PCDH15: variants seen among roughly 807,000 people sequenced by gnomAD.
The protein encoded by PCDH15 is protocadherin-15.
In PCDH15, 129 loss-of-function variants were observed where a neutral mutation model predicts 178.5. The observed-to-expected ratio is 0.72, with a 90% CI of 0.63 to 0.84. PCDH15 has a LOEUF of 0.84. Among genes scored for constraint, PCDH15 ranks in the 40% least tolerant of loss-of-function variants. The pLI is 0.00. For missense variants in PCDH15, 2,230 were observed against 2,099.9 expected (o/e 1.06, Z -1.21); for synonymous variants, 800 against 732.0 (o/e 1.09, Z -1.50).
chr10:55,588,495 G>A (rs548377620), intron 2 of PCDH15, among the ~76,000 whole-genome samples: 6 of 152,212 alleles, frequency 3.9e-5, no homozygotes, highest in African/African-American at 1.4e-4. Context: ...ACAAATGCAA[G>A]AAGACCATGA....
chr10:54,512,953 C>T (rs1054183549), intron 3 of PCDH15, among the ~76,000 whole-genome samples: 1 of 152,018 alleles, frequency 6.6e-6, no homozygotes, highest in Non-Finnish European at 1.5e-5. Flanking sequence ...TATTTTTACA[C>T]AGCCATTAAA....
intron 8 of PCDH15, among the ~76,000 whole-genome samples, chr10:54,296,451 C>T (rs1320964800): frequency 2.6e-5 from 4 of 152,072 alleles, no homozygotes; most frequent in African/African-American, 9.7e-5. Context: ...CTGACCCTTG[C>T]CTCCTGGGTC....
intron 2 of PCDH15, chr10:54,600,613 C>A: frequency 1.7e-6 from 1 of 579,472 alleles, no homozygotes; most frequent in Non-Finnish European, 3.3e-6. Context: ...GAGGAGAAAC[C>A]AGTGTCTACT....
intron 2 of PCDH15, among the ~76,000 whole-genome samples, chr10:55,120,199 GA>G (rs1307885665): frequency 3.3e-5 from 5 of 151,994 alleles, no homozygotes; most frequent in Admixed American, 2.0e-4. Context: ...ATGAACTAAG[GA>G]AAAAAACTGG....
intron 26 of PCDH15, among the ~76,000 whole-genome samples, chr10:53,873,864 G>A (rs934514909): frequency 6.6e-6 from 1 of 152,128 alleles, no homozygotes; most frequent in Non-Finnish European, 1.5e-5. Flanking sequence ...TTTGAAAAGA[G>A]GCCCCAGAGA....
chr10:55,599,868 A>G, intron 2 of PCDH15: 5 of 1,412,576 alleles, frequency 3.5e-6, no homozygotes, highest in Non-Finnish European at 4.7e-6. Flanking sequence ...AGGTAGCATA[A>G]TCACTTGTTC....
intron 2 of PCDH15, among the ~76,000 whole-genome samples, chr10:55,619,353 ACT>A (rs1488341254): frequency 6.6e-6 from 1 of 151,954 alleles, no homozygotes; most frequent in East Asian, 1.9e-4. Context: ...AAGCAACCAC[ACT>A]CTGCTGGAGG....
intron 10 of PCDH15, among the ~76,000 whole-genome samples, chr10:54,204,054 T>G (rs754492459): frequency 6.6e-6 from 1 of 152,234 alleles, no homozygotes; most frequent in Non-Finnish European, 1.5e-5. Flanking sequence ...ATTTATTTTT[T>G]GGCAATAACA....
At position 55,485,830 on chromosome 10, in the gene PCDH15, C is replaced by T. The variant is rs563652821; in HGVS notation, c.-156+141795G>A. Among the ~76,000 whole-genome samples, 50 of 151,764 alleles carry T rather than the reference C, an allele frequency of 3.3e-4. No homozygotes were observed. The South Asian group carries it at 8.5e-3, about 26-fold the overall frequency. On this transcript the variant is annotated intron_variant, in intron 2 of 5. Transcript: ENST00000613346. Reference sequence around the variant, plus strand: ...ACTATATCAGTATATTGAAGAGATACTTGCATTCCAATGTGATTTATGATA... The same window carrying T: ...ACTATATCAGTATATTGAAGAGATATTTGCATTCCAATGTGATTTATGATA...
chr10:53,840,280 T>C, intron 29 of PCDH15, 40 bp downstream of exon 29: 1 of 1,587,226 alleles, frequency 6.3e-7, no homozygotes, highest in Non-Finnish European at 8.7e-7. Flanking sequence ...TGGTTGCTAT[T>C]GTAACCAAAG....
intron 2 of PCDH15, among the ~76,000 whole-genome samples, chr10:54,953,253 C>A (rs892464163): frequency 1.3e-5 from 2 of 151,242 alleles, no homozygotes; most frequent in Non-Finnish European, 3.0e-5. Context: ...TTGTCACATT[C>A]CTTTCCTCTA....
intron 1 of PCDH15, among the ~76,000 whole-genome samples, chr10:54,676,266 G>A (rs1565915961): frequency 5.3e-5 from 8 of 151,884 alleles, no homozygotes; most frequent in Admixed American, 2.6e-4. Context: ...TAAAACTTAT[G>A]GTTTATATAC....
intron 9 of PCDH15, among the ~76,000 whole-genome samples, chr10:54,235,920 A>T (rs1224517362): frequency 6.6e-6 from 1 of 152,228 alleles, no homozygotes; most frequent in African/African-American, 2.4e-5. Flanking sequence ...TAAAGACCAA[A>T]GGCTTGAAAC....
chr10:54,871,534 A>G (rs956982218), intron 3 of PCDH15, among the ~76,000 whole-genome samples: 2 of 152,092 alleles, frequency 1.3e-5, no homozygotes, highest in Non-Finnish European at 2.9e-5. Flanking sequence ...TCTGCCTGAG[A>G]CTACATCTCT....
At chr10:55,128,116 C>G (rs565989949) in intron 2 of PCDH15, among the ~76,000 whole-genome samples, 1 of 152,116 alleles carries the variant, frequency 6.6e-6, no homozygotes, top group Admixed American at 6.5e-5. Flanking sequence ...TTTTTATGAT[C>G]TAACGCTGTC....
intron 9 of PCDH15, among the ~76,000 whole-genome samples, chr10:54,222,269 G>T (rs2052918475): frequency 6.6e-6 from 1 of 152,240 alleles, no homozygotes; most frequent in South Asian, 2.1e-4. Context: ...GTTACGTATA[G>T]GTTTGTGTAG....
intron 20 of PCDH15, among the ~76,000 whole-genome samples, chr10:54,011,282 G>C (rs989715897): frequency 6.6e-6 from 1 of 152,176 alleles, no homozygotes; most frequent in East Asian, 1.9e-4. Flanking sequence ...CACACCTCCA[G>C]ACAGCTGCAT....
At chr10:55,255,851 C>G (rs1335171365) in intron 1 of PCDH15, among the ~76,000 whole-genome samples, 4 of 151,982 alleles carry the variant, frequency 2.6e-5, no homozygotes, top group African/African-American at 7.3e-5. Flanking sequence ...AGATATTAGC[C>G]CTTTGCCAGA....
At chr10:54,423,634 G>A (rs1955839386) in intron 3 of PCDH15, among the ~76,000 whole-genome samples, 1 of 151,802 alleles carries the variant, frequency 6.6e-6, no homozygotes, top group Admixed American at 6.6e-5. Flanking sequence ...GATCACCTCT[G>A]CCTAAAGCAG....
Sources: gnomAD v4.1 joint callset for allele counts (sites outside exome capture counted in the v4.1 genomes callset) on GRCh38, gnomAD v4.1.1 for gene constraint, MANE v1.5 for transcripts, NCBI Gene and HGNC (gene_info 2026-07-23, HGNC 2026-07-21) for gene names.